Variants in COPS7A observed in about 807,000 individuals in gnomAD.
COPS7A encodes COP9 signalosome complex subunit 7a.
A neutral mutation model predicts 35.2 loss-of-function variants in COPS7A; 20 were observed. The observed-to-expected ratio is 0.57, with a 90% CI of 0.40 to 0.83. COPS7A has a LOEUF of 0.83. Ranked by LOEUF, COPS7A falls within the 40% of genes least tolerant of loss-of-function variation. COPS7A has a pLI of 0.00. For missense variants in COPS7A, 247 were observed against 347.5 expected, an observed-to-expected ratio of 0.71 and a Z score of 2.30; for synonymous variants, 139 against 141.4, an observed-to-expected ratio of 0.98 and a Z score of 0.12.
chr12:6,726,651 C>T (rs1318141598), intron 2 of COPS7A, among the ~76,000 whole-genome samples: 1 of 149,822 alleles, frequency 6.7e-6, no homozygotes, highest in African/African-American at 2.5e-5. Context: ...CTCATGTATC[C>T]CAGAACTTAA....
chr12:6,729,236 C>A lies in COPS7A; in HGVS notation c.328-11C>A. 1.2e-6 allele frequency: 2 copies of A among 1,614,036 alleles called. No individual in the cohort carries two copies. The highest frequency in any genetic ancestry group is 1.7e-6 in the Non-Finnish European group (2 of 1,179,970). ...GCGTCACAAATCCTGGCCTGATCTC[C>A]GCGGCCCCAGTGTATCCCATATGCA... is the stretch of plus-strand genomic sequence containing the variant. On this transcript the variant is annotated splice_polypyrimidine_tract_variant and intron_variant, in intron 4 of 7. Transcript: ENST00000543155. The surrounding 1 kb of genome is among the most constrained non-coding windows in gnomAD (Gnocchi z 4.2).
intron 2 of COPS7A, among the ~76,000 whole-genome samples, chr12:6,725,434 G>T (rs905363652): frequency 9.2e-5 from 14 of 152,266 alleles, no homozygotes; most frequent in Non-Finnish European, 1.8e-4. Context: ...TGGGATTACA[G>T]GCTTGAGCCA....
At position 6,729,263 on chromosome 12, in the gene COPS7A, T is replaced by C; in HGVS notation, c.344T>C (p.Val115Ala). 1.9e-6 allele frequency: 3 copies of C among 1,614,118 alleles called. No homozygotes were observed. Among genetic ancestry groups the C allele is most frequent in the Non-Finnish European group, 2.5e-6 (3 of 1,180,020 alleles). Reference sequence around the variant, plus strand: ...CGGCCCCAGTGTATCCCATATGCAGTGTTGCTGGAGGCTCTTGCCCTGCGT... The same window carrying C: ...CGGCCCCAGTGTATCCCATATGCAGCGTTGCTGGAGGCTCTTGCCCTGCGT... ...AAKVKCIPYAVLLEALALRNV... is the reference protein window; with the variant it reads ...AAKVKCIPYAALLEALALRNV... Residue 115 changes from valine (V) to alanine (A), a missense_variant, in exon 5 of 8, where the codon GTG (valine) becomes GCG (alanine). Val to Ala is a moderately conservative substitution (Grantham distance 64). Coordinates refer to ENST00000543155, the MANE Select transcript of COPS7A (RefSeq NM_001164094.2). The surrounding 1 kb of genome is among the most constrained non-coding windows in gnomAD (Gnocchi z 4.2).
At chr12:6,724,997 G>C (rs557167422) in intron 2 of COPS7A, among the ~76,000 whole-genome samples, 179 bp downstream of exon 2, 1 of 152,274 alleles carries the variant, frequency 6.6e-6, no homozygotes, top group African/African-American at 2.4e-5. Flanking sequence ...CTCCTTTGGA[G>C]ATAAGGGATC....
At chr12:6,725,371 A>C (rs912015171) in intron 2 of COPS7A, among the ~76,000 whole-genome samples, 5 of 152,012 alleles carry the variant, frequency 3.3e-5, no homozygotes, top group Non-Finnish European at 5.9e-5. Context: ...GTTAGCCAGG[A>C]TGATCTCGAT....
intron 3 of COPS7A, 86 bp from the exon 4 acceptor site, chr12:6,728,137 A>G (rs1050475460): frequency 2.7e-6 from 4 of 1,467,836 alleles, no homozygotes; most frequent in Non-Finnish European, 3.8e-6. Flanking sequence ...CTGAATTGGC[A>G]TTGAAAGTGG....
In COPS7A at chr12:6,731,113, C is replaced by T. The variant is rs761659824; in HGVS notation, c.*74C>T. On this transcript the variant is annotated 3_prime_UTR_variant, in exon 8 of 8. Coordinates refer to ENST00000543155, the MANE Select transcript of COPS7A (RefSeq NM_001164094.2). ...TGCCTCTTAGGAGTCCTCAGAGAGC[C>T]TTCTGTGCCCCTGGCCAGCTGATAA... The T allele has an allele frequency of 3.7e-6, 6 of 1,613,388 alleles. No individual in the cohort carries two copies. The highest frequency in any genetic ancestry group is 2.7e-5 in the African/African-American group (2 of 74,902).
In COPS7A at chr12:6,729,483, AC is replaced by A. The variant is rs762938232; in HGVS notation, c.530+37del. 1 of 1,599,834 alleles carries A rather than the reference AC, an allele frequency of 6.3e-7. No homozygotes were observed. Among genetic ancestry groups the A allele is most frequent in the African/African-American group, 1.3e-5 (1 of 74,574 alleles). On this transcript the variant is annotated intron_variant, in intron 5 of 7. Transcript: ENST00000543155. This position sits in a 1 kb window ranked among gnomAD's most constrained non-coding sequence, Gnocchi z 4.2. ...CGTATCCTGGCACTGTCCCCTTCTC[AC>A]CCTGAGAAAGAGAAAGGCGCTTCAG...
intron 2 of COPS7A, 129 bp downstream of exon 2, chr12:6,724,947 G>A: frequency 3.0e-6 from 3 of 1,005,118 alleles, no homozygotes; most frequent in Non-Finnish European, 4.4e-6. Context: ...ATAATTAAAT[G>A]CCAACTTGCA....
In COPS7A at chr12:6,729,410, G is replaced by T. The variant is rs146292223; in HGVS notation, c.491G>T (p.Arg164Leu). 40 of 1,614,060 alleles carry T rather than the reference G, an allele frequency of 2.5e-5. No homozygotes were observed. The African/African-American group carries it at 4.4e-4, about 18-fold the overall frequency. Residue 164 changes from arginine to leucine, a missense_variant, in exon 5 of 8, where the codon CGC (arginine) becomes CTC (leucine). By Grantham distance (102) the Arg-to-Leu change is moderately radical. Coordinates refer to ENST00000543155, the MANE Select transcript of COPS7A (RefSeq NM_001164094.2). The surrounding 1 kb of genome is among the most constrained non-coding windows in gnomAD (Gnocchi z 4.2). ...VDYSIGRDIQ[R>L]QDLSAIARTL... is the part of the protein sequence containing the mutation. Reference sequence around the variant, plus strand: ...TACAGCATCGGGCGGGACATCCAGCGCCAGGACCTCAGTGCCATTGCCCGA... The same window carrying T: ...TACAGCATCGGGCGGGACATCCAGCTCCAGGACCTCAGTGCCATTGCCCGA...
chr12:6,724,634 A>AG lies in COPS7A; in HGVS notation c.-22dup, dbSNP rs768122197. The AG allele has an allele frequency of 1.2e-6, 2 of 1,613,868 alleles. No individual in the cohort carries two copies. Among genetic ancestry groups the AG allele is most frequent in the South Asian group, 2.2e-5 (2 of 91,064 alleles). ...TGCAGCTCTGGACATCCTGAGCCCA[A>AG]GTCCCCCACACTCAGTGCAGTGATG... On this transcript the variant is annotated 5_prime_UTR_variant, in exon 2 of 8. Coordinates refer to ENST00000543155, the MANE Select transcript of COPS7A (RefSeq NM_001164094.2).
Position 6,724,686 on chromosome 12 carries a change from G to C in COPS7A, c.30G>C (p.Gln10His). ...GTGCGGAAGTGAAGGTGACAGGGCA[G>C]AACCAGGAGCAATTTCTGCTCCTAG... MSAEVKVTG[Q>H]NQEQFLLLAK... Residue 10 changes from glutamine to histidine, a missense_variant, in exon 2 of 8, where the codon CAG becomes CAC. By Grantham distance (24) the Gln-to-His change is conservative. Coordinates refer to ENST00000543155, the MANE Select transcript of COPS7A (RefSeq NM_001164094.2). 1 of 1,614,150 alleles carries C rather than the reference G, an allele frequency of 6.2e-7. No homozygotes were observed. Among genetic ancestry groups the C allele is most frequent in the Non-Finnish European group, 8.5e-7 (1 of 1,180,016 alleles).
rs112468500 is a variant in COPS7A, at chr12:6,731,787, T to TA, written c.*759dup. The stretch of plus-strand genomic sequence containing the variant: ...GAAGGGAAGGGTATATAGATTGTAT[T>TA]AAAAAAAAAAAGGTATATATGCATA... On this transcript the variant is annotated 3_prime_UTR_variant, in exon 8 of 8. Coordinates refer to ENST00000543155, the MANE Select transcript of COPS7A (RefSeq NM_001164094.2). 17,982 of 146,030 alleles carry TA rather than the reference T, an allele frequency of 0.12. 1,436 individuals carry two copies. The highest frequency in any genetic ancestry group is 0.23 in the African/African-American group (9,218 of 39,844). 9.0% of individuals were successfully genotyped at this position (146,030 alleles called of 1,614,324 possible). A position where few individuals can be genotyped will look rare whatever the true frequency, so the allele number is the denominator to read the frequency against.
chr12:6,724,630 C>T lies in COPS7A; in HGVS notation c.-27C>T. 1 of 1,613,798 alleles carries T rather than the reference C, an allele frequency of 6.2e-7. No individual in the cohort carries two copies. The highest frequency in any genetic ancestry group is 1.3e-5 in the African/African-American group (1 of 75,016). Reference sequence around the variant, plus strand: ...TCCTTGCAGCTCTGGACATCCTGAGCCCAAGTCCCCCACACTCAGTGCAGT... The same window carrying T: ...TCCTTGCAGCTCTGGACATCCTGAGTCCAAGTCCCCCACACTCAGTGCAGT... On this transcript the variant is annotated 5_prime_UTR_variant, in exon 2 of 8. Coordinates refer to ENST00000543155, the MANE Select transcript of COPS7A (RefSeq NM_001164094.2).
In COPS7A at chr12:6,726,071, T is replaced by C. The variant is rs1044534340; in HGVS notation, c.162+1253T>C. The C allele has an allele frequency of 1.6e-5, 6 of 367,352 alleles. No individual in the cohort carries two copies. In the East Asian group the frequency reaches 4.4e-4, roughly 27 times the overall value. 22.8% of individuals were successfully genotyped at this position (367,352 alleles called of 1,614,324 possible). A position where few individuals can be genotyped will look rare whatever the true frequency, so the allele number is the denominator to read the frequency against. ...GGCTCATGCCTGTAATCCCAGCACTTTGGGAGGCTGAGGTGGGCGGATCAT... is the reference window on the plus strand; with the variant it reads ...GGCTCATGCCTGTAATCCCAGCACTCTGGGAGGCTGAGGTGGGCGGATCAT... On this transcript the variant is annotated intron_variant, in intron 2 of 7. Coordinates refer to ENST00000543155, the MANE Select transcript of COPS7A (RefSeq NM_001164094.2).
Position 6,730,825 on chromosome 12 carries a change from G to T in COPS7A, c.788+5G>T. 6.2e-7 allele frequency: 1 copy of T among 1,614,004 alleles called. No homozygotes were observed. The highest frequency in any genetic ancestry group is 8.5e-7 in the Non-Finnish European group (1 of 1,179,962). ...GAAAGCCTCAAAGGGCAAGGGGTGA[G>T]CCAGGGTAGCAGGAACTGCTCACTT... On this transcript the variant is annotated splice_donor_5th_base_variant and intron_variant, in intron 7 of 7. Transcript: ENST00000543155.
In COPS7A at chr12:6,730,988, TCTC is replaced by T; in HGVS notation, c.789-9_789-7del. 1.2e-6 allele frequency: 2 copies of T among 1,611,578 alleles called. No individual in the cohort carries two copies. The highest frequency in any genetic ancestry group is 1.7e-6 in the Non-Finnish European group (2 of 1,177,914). ...TCTCTCTCTCTCTCTTTCTCTCTCT[TCTC>T]CTTGCCAGGCTCCGAGGGAGCGCCA... is the stretch of plus-strand genomic sequence containing the variant. On this transcript the variant is annotated splice_polypyrimidine_tract_variant and intron_variant, in intron 7 of 7. Coordinates refer to ENST00000543155, the MANE Select transcript of COPS7A (RefSeq NM_001164094.2).
In COPS7A at chr12:6,729,875, ATTTTG is replaced by A. The variant is rs990418288; in HGVS notation, c.530+431_530+435del. On this transcript the variant is annotated intron_variant, in intron 5 of 7. Coordinates refer to ENST00000543155, the MANE Select transcript of COPS7A (RefSeq NM_001164094.2). The surrounding 1 kb of genome is among the most constrained non-coding windows in gnomAD (Gnocchi z 4.2). ...TTTTCTCTTTGGCATCTCCTACCCT[ATTTTG>A]TTTTCAGTTCCTACTCCCATCTTGC... 6.6e-6 allele frequency among the ~76,000 whole-genome samples: 1 copy of A among 151,834 alleles called. No individual in the cohort carries two copies. Among genetic ancestry groups the A allele is most frequent in the Non-Finnish European group, 1.5e-5 (1 of 67,956 alleles).
chr12:6,728,147 G>A (rs1175270357), intron 3 of COPS7A, 76 bp from the exon 4 acceptor site: 30 of 1,491,170 alleles, frequency 2.0e-5, no homozygotes, highest in Non-Finnish European at 2.8e-5. Flanking sequence ...ATTGAAAGTG[G>A]GAGGGAAGGG....
Sources: allele counts gnomAD v4.1 joint callset (sites outside exome capture counted in the v4.1 genomes callset), GRCh38; gene constraint gnomAD v4.1.1; non-coding constraint Gnocchi (gnomAD v3.1); transcripts MANE v1.5; gene names NCBI Gene and HGNC (gene_info 2026-07-23, HGNC 2026-07-21).